The following SLC5A10 variants were observed in gnomAD, a reference collection of about 807,000 sequenced individuals.
The protein encoded by SLC5A10 is solute carrier family 5 member 10.
A neutral mutation model predicts 68.9 loss-of-function variants in SLC5A10; 55 were observed. The observed-to-expected ratio is 0.80, with a 90% CI of 0.64 to 1.00. The LOEUF (loss-of-function observed/expected upper bound fraction) is 1.00, where lower values mean the gene tolerates loss of function less well. Among genes scored for constraint, SLC5A10 ranks in the 50% least tolerant of loss-of-function variants. The pLI is 0.00. For missense variants in SLC5A10, 732 were observed against 819.3 expected, an observed-to-expected ratio of 0.89 and a Z score of 1.30; for synonymous variants, 344 against 344.8, an observed-to-expected ratio of 1.00 and a Z score of 0.02.
intron 9 of SLC5A10, among the ~76,000 whole-genome samples, chr17:18,993,767 A>G (rs2043492106): frequency 1.3e-5 from 2 of 152,204 alleles, no homozygotes; most frequent in Non-Finnish European, 2.9e-5. Flanking sequence ...AGACAGTGGC[A>G]GTGTGGGCTC....
At chr17:18,979,527 T>A in intron 9 of SLC5A10, 2 of 1,611,672 alleles carry the variant, frequency 1.2e-6, no homozygotes, top group South Asian at 2.2e-5. Context: ...TCGCACAACT[T>A]CCCTGAAAGC....
chr17:18,984,332 C>CA (rs1176935676), intron 9 of SLC5A10, among the ~76,000 whole-genome samples: 684 of 67,850 alleles, frequency 0.01, 8 homozygotes, highest in East Asian at 0.07. Context: ...GACTCCCTCT[C>CA]AAAAAAAAAA....
intron 9 of SLC5A10, among the ~76,000 whole-genome samples, chr17:18,980,033 T>A (rs989401932): frequency 3.9e-5 from 6 of 151,982 alleles, no homozygotes; most frequent in African/African-American, 1.2e-4. Flanking sequence ...TATGGTGGGG[T>A]CCTGAGCGGG....
chr17:18,951,911 C>T (rs868611693), upstream of SLC5A10: 23 of 397,744 alleles, frequency 5.8e-5, 1 homozygote, highest in African/African-American at 1.7e-4. Context: ...CCACTAAATG[C>T]GGTTCATTTT....
At chr17:18,997,578 G>T (rs537630939) in intron 9 of SLC5A10, among the ~76,000 whole-genome samples, 10 of 152,232 alleles carry the variant, frequency 6.6e-5, no homozygotes, top group South Asian at 2.1e-4. Flanking sequence ...AGACATTGGG[G>T]CCATCAAGCA....
chr17:18,998,076 C>T (rs1396586740), intron 9 of SLC5A10, among the ~76,000 whole-genome samples: 1 of 152,236 alleles, frequency 6.6e-6, no homozygotes. Context: ...CCCACCACCC[C>T]ACATGGCATT....
Position 19,011,417 on chromosome 17 carries a change from G to A in SLC5A10, c.983-1993G>A, listed in dbSNP as rs114827564. Among the ~76,000 whole-genome samples the A allele has an allele frequency of 2.3e-3, 344 of 152,326 alleles. 1 individual carries two copies. The highest frequency in any genetic ancestry group is 8.0e-3 in the African/African-American group (331 of 41,558). On this transcript the variant is annotated intron_variant, in intron 9 of 14. Transcript: ENST00000395645. ...AAATACAAGCAGGTCAGGGTGGCTC[G>A]TGCACGGTGCTGGGATGGGAGGTTC... is the stretch of plus-strand genomic sequence containing the variant.
intron 5 of SLC5A10, among the ~76,000 whole-genome samples, chr17:18,962,207 A>G (rs563517007): frequency 1.3e-5 from 2 of 152,304 alleles, no homozygotes; most frequent in African/African-American, 4.8e-5. Flanking sequence ...TGAGAAATAG[A>G]TGGATGCATG....
rs183547589 is a variant in SLC5A10 at position 19,012,372 on chromosome 17, C to T, written c.983-1038C>T. ...GGTTCAGTCGGGATCTGGCCTGAGC[C>T]TGGGAAATTCGTGAGTCCTTTCATT... On this transcript the variant is annotated intron_variant, in intron 9 of 14. Coordinates refer to ENST00000395645, the MANE Select transcript of SLC5A10 (RefSeq NM_001042450.4). Among the ~76,000 whole-genome samples, 11 of 152,376 alleles carry T rather than the reference C, an allele frequency of 7.2e-5. No individual in the cohort carries two copies. In the East Asian group the frequency reaches 2.1e-3, roughly 29 times the overall value.
At chr17:18,978,498 C>A in intron 9 of SLC5A10, 1 of 1,612,904 alleles carries the variant, frequency 6.2e-7, no homozygotes, top group Non-Finnish European at 8.5e-7. Flanking sequence ...GGCAGCAGCT[C>A]GGGGAGTTCC....
intron 1 of SLC5A10, 80 bp downstream of exon 1, chr17:18,952,396 C>T: frequency 2.0e-6 from 3 of 1,500,760 alleles, no homozygotes; most frequent in Non-Finnish European, 2.7e-6. Context: ...CCAGCATGTC[C>T]CTGTGGTGTC....
At chr17:19,013,055 C>G (rs1359334224) in intron 9 of SLC5A10, among the ~76,000 whole-genome samples, 1 of 152,210 alleles carries the variant, frequency 6.6e-6, no homozygotes, top group Non-Finnish European at 1.5e-5. Context: ...TCTCTAGCCT[C>G]CATTTCCCCC....
chr17:18,986,580 T>C (rs1312437556), intron 9 of SLC5A10, among the ~76,000 whole-genome samples: 3 of 152,196 alleles, frequency 2.0e-5, no homozygotes, highest in Non-Finnish European at 4.4e-5. Flanking sequence ...ACCTGCCCCA[T>C]TGCCTCCGGC....
upstream of SLC5A10, chr17:18,950,752 G>A: frequency 1.1e-6 from 1 of 950,932 alleles, no homozygotes; most frequent in Non-Finnish European, 1.3e-6. Flanking sequence ...GTCTCCCTCT[G>A]TTGCCCAGGC....
rs139157891 is a variant in SLC5A10 at position 19,015,089 on chromosome 17, C to A, written c.1131C>A (p.Leu377=). The change falls in exon 11 of 15, where the codon CTC becomes CTA. Residue 377 remains leucine, a synonymous_variant. Transcript: ENST00000395645. ...GLMIAVMLAA[L]MSSLTSIFNS... ...TGATCGCAGTGATGCTGGCGGCGCT[C>A]ATGTCGTCGCTGACCTCCATCTTCA... is the stretch of plus-strand genomic sequence containing the variant. 3 of 1,613,988 alleles carry A rather than the reference C, an allele frequency of 1.9e-6. No individual in the cohort carries two copies. The African/African-American group carries it at 4.0e-5, about 22-fold the overall frequency.
intron 9 of SLC5A10, among the ~76,000 whole-genome samples, chr17:19,010,279 G>A (rs1001106791): frequency 1.3e-5 from 2 of 152,176 alleles, no homozygotes; most frequent in African/African-American, 4.8e-5. Context: ...GGGGAGGGAA[G>A]ACAAGGGGAC....
chr17:18,993,496 C>G (rs1380668594), intron 9 of SLC5A10, among the ~76,000 whole-genome samples: 1 of 152,158 alleles, frequency 6.6e-6, no homozygotes, highest in Non-Finnish European at 1.5e-5. Context: ...TCCTAGGCCT[C>G]AGAGATCCCT....
chr17:19,006,160 A>G (rs770515194), intron 9 of SLC5A10, among the ~76,000 whole-genome samples: 1 of 152,238 alleles, frequency 6.6e-6, no homozygotes, highest in African/African-American at 2.4e-5. Flanking sequence ...TTGCATAACT[A>G]TAATACAATA....
chr17:18,970,812 T>C (rs1031323970), intron 7 of SLC5A10: 9 of 590,194 alleles, frequency 1.5e-5, no homozygotes, highest in South Asian at 6.2e-5. Context: ...TAAATACGAA[T>C]AAAATAGTCA....
Sources: gnomAD v4.1 joint callset for allele counts (sites outside exome capture counted in the v4.1 genomes callset) on GRCh38, gnomAD v4.1.1 for gene constraint, MANE v1.5 for transcripts, NCBI Gene and HGNC (gene_info 2026-07-23, HGNC 2026-07-21) for gene names.